The following CADPS variants were observed in gnomAD, a reference collection of about 807,000 sequenced individuals.
CADPS encodes calcium-dependent secretion activator 1.
In CADPS, 57 loss-of-function variants were observed where a neutral mutation model predicts 167.3. The ratio of observed to expected loss-of-function variants is 0.34; its 90% CI spans 0.28 to 0.42. The LOEUF (loss-of-function observed/expected upper bound fraction) is 0.42, where lower values mean the gene tolerates loss of function less well. Among genes scored for constraint, CADPS ranks in the 20% least tolerant of loss-of-function variants. CADPS has a pLI of 1.00. For synonymous variants in CADPS, 676 were observed against 635.3 expected (o/e 1.06, Z -0.96); for missense variants, 1,414 against 1,738.1 (o/e 0.81, Z 3.32).
chr3:62,743,604 C>A (rs2080796664), intron 3 of CADPS, among the ~76,000 whole-genome samples: 2 of 152,152 alleles, frequency 1.3e-5, no homozygotes, highest in Admixed American at 1.3e-4. Flanking sequence ...CACACAAAAG[C>A]ATGACAAGAT....
At position 62,499,247 on chromosome 3, in the gene CADPS, G is replaced by A. The variant is rs199920092; in HGVS notation, c.2621C>T (p.Thr874Ile). The A allele has an allele frequency of 6.2e-6, 10 of 1,612,616 alleles. No individual in the cohort carries two copies. Among genetic ancestry groups the A allele is most frequent in the Non-Finnish European group, 7.6e-6 (9 of 1,178,722 alleles). The change falls in exon 18 of 30, where the codon ACT (threonine) becomes ATT (isoleucine). Residue 874 changes from threonine (T) to isoleucine (I), a missense_variant. Physicochemically the swap from Thr to Ile is moderately conservative, Grantham distance 89. Around this residue, in one of 6 missense-constraint regions of CADPS, gnomAD observed 529 missense variants for 629.6 expected, o/e 0.84. Coordinates refer to ENST00000383710, the MANE Select transcript of CADPS (RefSeq NM_003716.4). Reference sequence around the variant, plus strand: ...TGTATCTTCAAGCTTTTTGGCAGGAGTGATTAACCGGCCTACATTTTCTGT... The same window carrying A: ...TGTATCTTCAAGCTTTTTGGCAGGAATGATTAACCGGCCTACATTTTCTGT... ...KDAENVGRLI[T>I]PAKKLEDTIR...
At chr3:62,779,763 A>T in intron 1 of CADPS, 1 of 322,474 alleles carries the variant, frequency 3.1e-6, no homozygotes, top group Non-Finnish European at 6.1e-6. Context: ...TACCTGGCCA[A>T]CCTCCACGAA....
intron 26 of CADPS, among the ~76,000 whole-genome samples, chr3:62,459,123 T>A (rs914353396): frequency 3.9e-5 from 6 of 152,220 alleles, no homozygotes; most frequent in African/African-American, 1.2e-4. Flanking sequence ...ATAGAAGATA[T>A]AGCAGATCAG....
rs2092612266 is a variant in CADPS at position 62,787,942 on chromosome 3, C to G, written c.442-21958G>C. On this transcript the variant is annotated intron_variant, in intron 1 of 29. Coordinates refer to ENST00000383710, the MANE Select transcript of CADPS (RefSeq NM_003716.4). ...GTCATCATCATCCTCATCATGAAAT[C>G]AAGCTGTCTAGTCACAGTCATTCAT... 2.0e-5 allele frequency among the ~76,000 whole-genome samples: 3 copies of G among 152,154 alleles called. No individual in the cohort carries two copies. The South Asian group carries it at 6.2e-4, about 31-fold the overall frequency.
At chr3:62,594,316 T>G (rs1042733897) in intron 6 of CADPS, among the ~76,000 whole-genome samples, 2 of 151,134 alleles carry the variant, frequency 1.3e-5, no homozygotes, top group African/African-American at 2.4e-5. Flanking sequence ...CGCCCGCCAC[T>G]ATGCCCGGCT....
intron 6 of CADPS, among the ~76,000 whole-genome samples, chr3:62,595,476 T>C (rs2058777047): frequency 6.6e-6 from 1 of 152,174 alleles, no homozygotes; most frequent in Admixed American, 6.5e-5. Flanking sequence ...TCCCTGTCAA[T>C]TTCCTCAGCT....
At chr3:62,487,267 A>G (rs558890045) in intron 21 of CADPS, among the ~76,000 whole-genome samples, 9 of 152,320 alleles carry the variant, frequency 5.9e-5, no homozygotes, top group Admixed American at 2.6e-4. Flanking sequence ...ACTTTGAATG[A>G]GTTGTTTTCT....
intron 11 of CADPS, 115 bp downstream of exon 11, chr3:62,549,788 A>G: frequency 2.5e-6 from 2 of 815,102 alleles, no homozygotes; most frequent in South Asian, 1.8e-5. Context: ...ATATGTTTTC[A>G]GCAAACATGA....
intron 6 of CADPS, among the ~76,000 whole-genome samples, chr3:62,604,349 A>T (rs1276701381): frequency 6.6e-6 from 1 of 152,146 alleles, no homozygotes; most frequent in Non-Finnish European, 1.5e-5. Flanking sequence ...CTAAGAAGAG[A>T]TGCTGATTTT....
intron 6 of CADPS, among the ~76,000 whole-genome samples, chr3:62,599,728 G>GTATATATAATATATATAATATAATA (rs1562708013): frequency 3.2e-5 from 1 of 31,064 alleles, no homozygotes; most frequent in Non-Finnish European, 5.0e-5. Context: ...AATATATATA[G>GTATATATAATATATATAATATAATA]TATATATAAT....
intron 1 of CADPS, among the ~76,000 whole-genome samples, chr3:62,863,529 G>A (rs1440349985): frequency 6.6e-6 from 1 of 152,162 alleles, no homozygotes; most frequent in Non-Finnish European, 1.5e-5. Context: ...TCAAGCAGGA[G>A]TGCAATGACA....
intron 24 of CADPS, among the ~76,000 whole-genome samples, chr3:62,471,755 T>G (rs2060651319): frequency 6.6e-6 from 1 of 151,952 alleles, no homozygotes; most frequent in South Asian, 2.1e-4. Flanking sequence ...TCAAGAAGAT[T>G]TAAGGGGAAA....
intron 2 of CADPS, among the ~76,000 whole-genome samples, chr3:62,762,194 G>A (rs527366691): frequency 6.6e-6 from 1 of 152,212 alleles, no homozygotes; most frequent in East Asian, 1.9e-4. Flanking sequence ...TTGGCCCTCT[G>A]TATCCACAGG....
intron 15 of CADPS, 84 bp downstream of exon 15, chr3:62,516,496 A>T: frequency 9.5e-7 from 1 of 1,053,534 alleles, no homozygotes; most frequent in Non-Finnish European, 1.4e-6. Context: ...AATTACAACT[A>T]GGTCATTCAA....
At position 62,433,210 on chromosome 3, in the gene CADPS, C is replaced by G. The variant is rs753731554; in HGVS notation, c.3777+4894G>C. ...TCTGTGGTTTCATATATAAATATAG[C>G]AAATATATTTTAACAGGCAAAGGTT... On this transcript the variant is annotated intron_variant, in intron 28 of 29. Transcript: ENST00000383710. This position sits in a 1 kb window ranked among gnomAD's most constrained non-coding sequence, Gnocchi z 4.7. Among the ~76,000 whole-genome samples the G allele has an allele frequency of 6.6e-6, 1 of 152,022 alleles. No homozygotes were observed. The highest frequency in any genetic ancestry group is 1.9e-4 in the East Asian group (1 of 5,188).
At chr3:62,490,966 C>T (rs2063588861) in intron 21 of CADPS, among the ~76,000 whole-genome samples, 1 of 152,152 alleles carries the variant, frequency 6.6e-6, no homozygotes, top group Admixed American at 6.6e-5. Context: ...TTGCTGACCT[C>T]CCTGCCTAGA....
chr3:62,756,604 G>A (rs146135694), intron 2 of CADPS, among the ~76,000 whole-genome samples: 2 of 152,224 alleles, frequency 1.3e-5, no homozygotes, highest in Admixed American at 6.5e-5. Flanking sequence ...ATATGATTAC[G>A]ATCTGGAACA....
intron 28 of CADPS, among the ~76,000 whole-genome samples, chr3:62,418,988 A>G (rs1165543222): frequency 6.6e-6 from 1 of 152,214 alleles, no homozygotes; most frequent in African/African-American, 2.4e-5. Context: ...CCCTGGCTCA[A>G]CAGCAGGACA....
chr3:62,696,091 C>T (rs890021777), intron 3 of CADPS, among the ~76,000 whole-genome samples: 13 of 151,468 alleles, frequency 8.6e-5, no homozygotes, highest in African/African-American at 3.2e-4. Flanking sequence ...GGTCTGGATG[C>T]CCAGTAGTCA....
Sources: gnomAD v4.1 joint callset for allele counts (sites outside exome capture counted in the v4.1 genomes callset) on GRCh38, gnomAD v4.1.1 for gene constraint, gnomAD v4.1.1 regional missense constraint, Gnocchi (gnomAD v3.1) non-coding constraint, MANE v1.5 for transcripts, NCBI Gene and HGNC (gene_info 2026-07-23, HGNC 2026-07-21) for gene names.